Variants in ANKRD10 observed in about 807,000 individuals in gnomAD.
The protein encoded by ANKRD10 is ankyrin repeat domain 10.
In ANKRD10, 14 loss-of-function variants were observed where a neutral mutation model predicts 27.0. The ratio of observed to expected loss-of-function variants is 0.52; its 90% CI spans 0.34 to 0.81. ANKRD10 has a LOEUF of 0.81. Ranked by LOEUF, ANKRD10 falls within the 40% of genes least tolerant of loss-of-function variation. The probability of loss-of-function intolerance (pLI) is 0.01; values close to 1 mark genes in which losing one functional copy is unlikely to be tolerated. For missense variants in ANKRD10, 493 were observed against 544.0 expected, an observed-to-expected ratio of 0.91 and a Z score of 0.93; for synonymous variants, 250 against 224.5, an observed-to-expected ratio of 1.11 and a Z score of -1.01.
rs111372398 is a variant in ANKRD10, at chr13:110,898,755, T to C, written c.456-5492A>G. Among the ~76,000 whole-genome samples, 212 of 91,156 alleles carry C rather than the reference T, an allele frequency of 2.3e-3. 1 individual carries two copies. In the East Asian group the frequency reaches 0.023, roughly 10 times the overall value. The allele number at this position is 91,156 out of a possible 152,430, so 59.8% of individuals were successfully genotyped here. On this transcript the variant is annotated intron_variant, in intron 3 of 5. Transcript: ENST00000267339. ...ACCCAACTAGTTTTTCTTTTCTTTT[T>C]TTTTTTTTTTTTTTTTTGAGACGGA... is the stretch of plus-strand genomic sequence containing the variant.
intron 3 of ANKRD10, among the ~76,000 whole-genome samples, chr13:110,895,681 C>T (rs1048532335): frequency 6.6e-6 from 1 of 152,220 alleles, no homozygotes; most frequent in Non-Finnish European, 1.5e-5. Context: ...ATCCAAAGCA[C>T]ATTCGATTCC....
rs75790696 is a variant in ANKRD10 at position 110,910,850 on chromosome 13, A to G, written c.211-80T>C. 2.5e-4 allele frequency: 353 copies of G among 1,387,916 alleles called. 1 individual carries two copies. In the East Asian group the frequency reaches 8.9e-3, roughly 35 times the overall value. The allele number at this position is 1,387,916 out of a possible 1,614,324, so 86.0% of individuals were successfully genotyped here. A position where few individuals can be genotyped will look rare whatever the true frequency, so the allele number is the denominator to read the frequency against. On this transcript the variant is annotated intron_variant, in intron 1 of 5. Transcript: ENST00000267339. ...ATATTACATGAATAATCGAAATTCTATAATGGTGACAAATGGCATTGTTAC... is the reference window on the plus strand; with the variant it reads ...ATATTACATGAATAATCGAAATTCTGTAATGGTGACAAATGGCATTGTTAC...
At chr13:110,912,664 T>C (rs2065752642) in intron 1 of ANKRD10, among the ~76,000 whole-genome samples, 1 of 152,224 alleles carries the variant, frequency 6.6e-6, no homozygotes, top group Admixed American at 6.5e-5. Flanking sequence ...ACTCGTTTAG[T>C]CCTCTGGCAA....
intron 4 of ANKRD10, among the ~76,000 whole-genome samples, chr13:110,887,675 A>G (rs981049263): frequency 2.6e-5 from 4 of 152,220 alleles, no homozygotes; most frequent in Non-Finnish European, 4.4e-5. Context: ...TACAAGTCAG[A>G]AACTGCCAAG....
At position 110,914,776 on chromosome 13, in the gene ANKRD10, C is replaced by T; in HGVS notation, c.159G>A (p.Glu53=). 1 of 1,599,192 alleles carries T rather than the reference C, an allele frequency of 6.3e-7. No individual in the cohort carries two copies. ...QQTPHAHLAS[E]DSFYGWTPVH... Reference sequence around the variant, plus strand: ...CGGGCGTCCAGCCATAGAAGGAGTCCTCAGAGGCCAGGTGGGCGTGGGGTG... The same window carrying T: ...CGGGCGTCCAGCCATAGAAGGAGTCTTCAGAGGCCAGGTGGGCGTGGGGTG... The change falls in exon 1 of 6, where the codon GAG becomes GAA. Residue 53 remains glutamate (E), a synonymous_variant. Transcript: ENST00000267339.
chr13:110,909,220 T>C (rs1473281195), intron 2 of ANKRD10, among the ~76,000 whole-genome samples: 1 of 152,238 alleles, frequency 6.6e-6, no homozygotes, highest in African/African-American at 2.4e-5. Context: ...ACAAAAATGA[T>C]ATACTTAAAT....
intron 1 of ANKRD10, 197 bp downstream of exon 1, chr13:110,914,528 C>G (rs1032581768): frequency 4.4e-6 from 3 of 688,212 alleles, no homozygotes; most frequent in Non-Finnish European, 6.0e-6. Context: ...CCCCGCGCCC[C>G]CCGGCTGCCC....
intron 4 of ANKRD10, among the ~76,000 whole-genome samples, chr13:110,891,047 T>A (rs969703616): frequency 3.1e-4 from 47 of 152,306 alleles, no homozygotes; most frequent in African/African-American, 1.0e-3. Flanking sequence ...CTCTTCTAGG[T>A]GCATTTTGAG....
Position 110,879,860 on chromosome 13 carries a change from G to T in ANKRD10, c.1040C>A (p.Ser347Tyr), listed in dbSNP as rs769533185. The T allele has an allele frequency of 6.2e-7, 1 of 1,614,114 alleles. No individual in the cohort carries two copies. Among genetic ancestry groups the T allele is most frequent in the Non-Finnish European group, 8.5e-7 (1 of 1,180,050 alleles). The change falls in exon 6 of 6, where the codon TCT (serine) becomes TAT (tyrosine). Residue 347 changes from serine to tyrosine, a missense_variant. Transcript: ENST00000267339. ...ACTTGGACTCCCGTTCAGGTGCAGA[G>T]AACCGCACAACTCAGGGTTAGCTCT... ...TLRANPELCG[S>Y]LHLNGSPSSC...
chr13:110,889,731 G>A (rs1008211634), intron 4 of ANKRD10, among the ~76,000 whole-genome samples: 1 of 152,124 alleles, frequency 6.6e-6, no homozygotes, highest in African/African-American at 2.4e-5. Flanking sequence ...TTTTTAAAGG[G>A]TGAATTTTAC....
At chr13:110,880,214 CT>C (rs199678096) in intron 5 of ANKRD10, 102 bp from the exon 6 acceptor site, 10 of 994,126 alleles carry the variant, frequency 1.0e-5, no homozygotes, top group East Asian at 2.6e-5. Flanking sequence ...ATTTTAGTTT[CT>C]TTTTTTTCCT....
intron 4 of ANKRD10, among the ~76,000 whole-genome samples, chr13:110,884,593 TC>T (rs2064881478): frequency 6.6e-6 from 1 of 152,250 alleles, no homozygotes; most frequent in African/African-American, 2.4e-5. Flanking sequence ...GGCATAAATG[TC>T]CTATCAGTTA....
chr13:110,910,110 C>G (rs1012400239), intron 2 of ANKRD10, among the ~76,000 whole-genome samples: 1 of 152,160 alleles, frequency 6.6e-6, no homozygotes, highest in Non-Finnish European at 1.5e-5. Flanking sequence ...AAATCTGGCA[C>G]GATTATGTTC....
In ANKRD10 at chr13:110,883,643, G is replaced by A. The variant is rs774788218; in HGVS notation, c.787+55C>T. Reference sequence around the variant, plus strand: ...AACAGAACCACTCTCCTGCTGTTTGGTGTCTTCAACCATTGGATTGTTGTT... The same window carrying A: ...AACAGAACCACTCTCCTGCTGTTTGATGTCTTCAACCATTGGATTGTTGTT... On this transcript the variant is annotated intron_variant, in intron 5 of 5. Coordinates refer to ENST00000267339, the MANE Select transcript of ANKRD10 (RefSeq NM_017664.4). The A allele has an allele frequency of 3.8e-6, 6 of 1,599,886 alleles. No individual in the cohort carries two copies. The African/African-American group carries it at 5.4e-5, about 14-fold the overall frequency.
At chr13:110,902,168 CTGAAA>C (rs2065403834) in intron 3 of ANKRD10, among the ~76,000 whole-genome samples, 1 of 150,694 alleles carries the variant, frequency 6.6e-6, no homozygotes, top group Non-Finnish European at 1.5e-5. Flanking sequence ...GATTTTGTAA[CTGAAA>C]TATTATTCTG....
chr13:110,912,635 A>G (rs956654521), intron 1 of ANKRD10, among the ~76,000 whole-genome samples: 4 of 152,266 alleles, frequency 2.6e-5, no homozygotes, highest in African/African-American at 9.6e-5. Context: ...TATAAAAGCT[A>G]CAACAGAGAT....
At chr13:110,897,163 G>A (rs1361009091) in intron 3 of ANKRD10, among the ~76,000 whole-genome samples, 1 of 151,820 alleles carries the variant, frequency 6.6e-6, no homozygotes, top group Non-Finnish European at 1.5e-5. Flanking sequence ...GTATCTCCCT[G>A]TTGCCCCAGC....
At chr13:110,890,729 C>T (rs1249076113) in intron 4 of ANKRD10, among the ~76,000 whole-genome samples, 2 of 152,204 alleles carry the variant, frequency 1.3e-5, no homozygotes, top group African/African-American at 4.8e-5. Context: ...GAAGTGCCGG[C>T]TCCAACCATA....
Position 110,902,752 on chromosome 13 carries a change from G to A in ANKRD10, c.455+3281C>T, listed in dbSNP as rs539391072. Among the ~76,000 whole-genome samples the A allele has an allele frequency of 1.1e-4, 17 of 152,310 alleles. No homozygotes were observed. The South Asian group carries it at 3.3e-3, about 30-fold the overall frequency. On this transcript the variant is annotated intron_variant, in intron 3 of 5. Coordinates refer to ENST00000267339, the MANE Select transcript of ANKRD10 (RefSeq NM_017664.4). The stretch of plus-strand genomic sequence containing the variant: ...ACTCTGCCATTAAACACTGGCATCC[G>A]TATAATGCAGTATTAAAACGGACCT...
Sources: allele counts gnomAD v4.1 joint callset (sites outside exome capture counted in the v4.1 genomes callset), GRCh38; gene constraint gnomAD v4.1.1; transcripts MANE v1.5; gene names NCBI Gene and HGNC (gene_info 2026-07-23, HGNC 2026-07-21).